The following TMEM231 variants were observed in gnomAD, a reference collection of about 807,000 sequenced individuals.
TMEM231 encodes the protein transmembrane protein 231.
TMEM231 carries 40 observed loss-of-function variants against 38.5 expected under a neutral mutation model. The ratio of observed to expected loss-of-function variants is 1.04; its 90% CI spans 0.81 to 1.35. The LOEUF (loss-of-function observed/expected upper bound fraction) is 1.35, where lower values mean the gene tolerates loss of function less well. Among genes scored for constraint, TMEM231 ranks in the 40% most tolerant of loss-of-function variants. The pLI, the probability that TMEM231 is intolerant of heterozygous loss-of-function variation, is 0.00. For synonymous variants in TMEM231, 199 were observed against 181.7 expected, an observed-to-expected ratio of 1.10 and a Z score of -0.77; for missense variants, 420 against 416.9, an observed-to-expected ratio of 1.01 and a Z score of -0.07.
In TMEM231 at chr16:75,537,362, T is replaced by C. The variant is rs2080570981; in HGVS notation, c.*2632A>G. On this transcript the variant is annotated 3_prime_UTR_variant, in exon 7 of 7. Coordinates refer to ENST00000258173, the MANE Select transcript of TMEM231 (RefSeq NM_001077418.3). Reference sequence around the variant, plus strand: ...GAATATTAGGGGGGCCTCATCTGACTTAAGCCGAAACTGTACTAATCATTT... The same window carrying C: ...GAATATTAGGGGGGCCTCATCTGACCTAAGCCGAAACTGTACTAATCATTT... 6.6e-6 allele frequency: 1 copy of C among 152,092 alleles called. No individual in the cohort carries two copies. The highest frequency in any genetic ancestry group is 1.5e-5 in the Non-Finnish European group (1 of 68,010). The allele number at this position is 152,092 out of a possible 1,614,324, so 9.4% of individuals were successfully genotyped here. A position where few individuals can be genotyped will look rare whatever the true frequency, so the allele number is the denominator to read the frequency against.
intron 2 of TMEM231, among the ~76,000 whole-genome samples, chr16:75,553,898 A>C (rs992734873): frequency 5.9e-5 from 9 of 152,184 alleles, no homozygotes; most frequent in Admixed American, 4.6e-4. Flanking sequence ...TGCATTGAAA[A>C]TTCTCAGTTT....
intron 5 of TMEM231, 26 bp from the exon 6 acceptor site, chr16:75,541,481 C>G (rs1336285743): frequency 6.7e-7 from 1 of 1,499,788 alleles, no homozygotes; most frequent in Admixed American, 1.9e-5. Context: ...TAACCATTAA[C>G]CACGATGGCT....
intron 4 of TMEM231, 150 bp downstream of exon 4, chr16:75,545,202 C>T (rs973265500): frequency 8.0e-6 from 9 of 1,128,794 alleles, no homozygotes; most frequent in Admixed American, 2.6e-5. Flanking sequence ...GTGATCCATC[C>T]GCACATCTCC....
chr16:75,548,990 G>C (rs2080724963), intron 2 of TMEM231, among the ~76,000 whole-genome samples: 1 of 152,166 alleles, frequency 6.6e-6, no homozygotes, highest in Non-Finnish European at 1.5e-5. Flanking sequence ...TCAGAGAGGA[G>C]GGATCCAGGC....
chr16:75,540,180 G>T lies in TMEM231; in HGVS notation c.771-6C>A, dbSNP rs1160382019. The T allele has an allele frequency of 1.2e-6, 2 of 1,610,062 alleles. No homozygotes were observed. The highest frequency in any genetic ancestry group is 8.5e-7 in the Non-Finnish European group (1 of 1,178,112). On this transcript the variant is annotated splice_region_variant and splice_polypyrimidine_tract_variant and intron_variant, in intron 6 of 6. Coordinates refer to ENST00000258173, the MANE Select transcript of TMEM231 (RefSeq NM_001077418.3). The stretch of plus-strand genomic sequence containing the variant: ...CCCAGAATCCTGGCTGATAAGTATG[G>T]ACAGTTAAGGAGTGAAGGGCCACAT...
At chr16:75,545,292 G>C (rs1027481879) in intron 4 of TMEM231, 60 bp downstream of exon 4, 80 of 1,562,788 alleles carry the variant, frequency 5.1e-5, no homozygotes, top group African/African-American at 8.2e-5. Context: ...CCTCTTTAAA[G>C]AACTTAATGA....
intron 6 of TMEM231, among the ~76,000 whole-genome samples, chr16:75,541,042 C>T (rs780481430): frequency 6.6e-5 from 10 of 152,158 alleles, no homozygotes; most frequent in Non-Finnish European, 1.5e-4. Flanking sequence ...GAGGCAGGGT[C>T]TCACTCTGTC....
chr16:75,547,582 C>T (rs1413012211), intron 2 of TMEM231, among the ~76,000 whole-genome samples: 1 of 151,710 alleles, frequency 6.6e-6, no homozygotes, highest in Non-Finnish European at 1.5e-5. Context: ...AGATCGAGAC[C>T]ATCCTGGCCA....
At chr16:75,541,314 C>T in intron 6 of TMEM231, 36 bp downstream of exon 6, 1 of 1,506,796 alleles carries the variant, frequency 6.6e-7, no homozygotes, top group Admixed American at 1.9e-5. Flanking sequence ...GCCACCACAT[C>T]CAGCCTTAAC....
chr16:75,551,815 A>C (rs1381268978), intron 2 of TMEM231, among the ~76,000 whole-genome samples: 1 of 151,976 alleles, frequency 6.6e-6, no homozygotes, highest in Non-Finnish European at 1.5e-5. Context: ...TACAAAAATC[A>C]GCCGGCCGTG....
Position 75,555,900 on chromosome 16 carries a change from G to A in TMEM231, c.213C>T (p.Ala71=). Residue 71 remains alanine, a synonymous_variant, in exon 2 of 7, where the codon GCC becomes GCT. Coordinates refer to ENST00000258173, the MANE Select transcript of TMEM231 (RefSeq NM_001077418.3). ...VRFQHQVLLV[A]LLGPESDGFL... is the part of the protein sequence containing the mutation. ...ACCCGTCGCTTTCGGGTCCGAGCAG[G>A]GCCACGAGCAGCACCTGGTGTTGGA... 6.3e-7 allele frequency: 1 copy of A among 1,599,740 alleles called. No homozygotes were observed. Among genetic ancestry groups the A allele is most frequent in the Non-Finnish European group, 8.5e-7 (1 of 1,173,730 alleles).
intron 2 of TMEM231, 53 bp downstream of exon 2, chr16:75,555,751 C>G (rs2080802259): frequency 2.1e-6 from 3 of 1,444,478 alleles, no homozygotes; most frequent in African/African-American, 1.4e-5. Context: ...ATTCCAGTCC[C>G]CATCCCCACC....
rs199768195 is a variant in TMEM231 at position 75,540,178 on chromosome 16, T to G, written c.771-4A>C. ...CTCCCAGAATCCTGGCTGATAAGTA[T>G]GGACAGTTAAGGAGTGAAGGGCCAC... On this transcript the variant is annotated splice_region_variant and splice_polypyrimidine_tract_variant and intron_variant, in intron 6 of 6. Transcript: ENST00000258173. The G allele has an allele frequency of 1.2e-5, 20 of 1,611,086 alleles. No homozygotes were observed. The highest frequency in any genetic ancestry group is 1.6e-4 in the Middle Eastern group (1 of 6,076).
At chr16:75,542,474 T>G (rs2080638027) in intron 5 of TMEM231, 128 bp downstream of exon 5, 1 of 869,806 alleles carries the variant, frequency 1.1e-6, no homozygotes, top group South Asian at 1.4e-5. Context: ...GCATATTTGC[T>G]CCCATCGTTG....
chr16:75,542,241 G>C, intron 5 of TMEM231, among the ~76,000 whole-genome samples: 1 of 151,072 alleles, frequency 6.6e-6, no homozygotes, highest in East Asian at 1.9e-4. Context: ...TCTCTGAAAA[G>C]CATGAACAGC....
At chr16:75,541,180 ATTT>A (rs58545518) in intron 6 of TMEM231, among the ~76,000 whole-genome samples, 167 bp downstream of exon 6, 29 of 136,806 alleles carry the variant, frequency 2.1e-4, no homozygotes, top group African/African-American at 4.8e-4. Flanking sequence ...TGCCTGGCTA[ATTT>A]TTTTTTTTTT....
At chr16:75,546,142 C>T in intron 2 of TMEM231, 188 bp from the exon 3 acceptor site, 1 of 1,521,226 alleles carries the variant, frequency 6.6e-7, no homozygotes, top group Non-Finnish European at 8.8e-7. Flanking sequence ...AGTGCATGGT[C>T]CCTGAACTTC....
intron 2 of TMEM231, among the ~76,000 whole-genome samples, chr16:75,551,231 G>A (rs753802543): frequency 3.2e-4 from 48 of 151,826 alleles, no homozygotes; most frequent in Non-Finnish European, 6.8e-4. Context: ...TCTTGATACA[G>A]GGTCAAAAAA....
rs1340314235 is a variant in TMEM231 at position 75,554,929 on chromosome 16, TA to T, written c.309+874del. ...TTATTTATACGACCAATCGGATTTT[TA>T]AAAACAATTTTATTTAGTTGCTGGG... On this transcript the variant is annotated intron_variant, in intron 2 of 6. Transcript: ENST00000258173. 2.6e-4 allele frequency: 39 copies of T among 152,354 alleles called. 1 individual carries two copies. Among genetic ancestry groups the T allele is most frequent in the African/African-American group, 8.7e-4 (36 of 41,588 alleles). The allele number at this position is 152,354 out of a possible 1,614,324, so 9.4% of individuals were successfully genotyped here.
Sources: gnomAD v4.1 joint callset for allele counts (sites outside exome capture counted in the v4.1 genomes callset) on GRCh38, gnomAD v4.1.1 for gene constraint, MANE v1.5 for transcripts, NCBI Gene and HGNC (gene_info 2026-07-23, HGNC 2026-07-21) for gene names.